The following SLC35F4 variants were observed in gnomAD, a reference collection of about 807,000 sequenced individuals.
The protein encoded by SLC35F4 is chromosome 14 open reading frame 36.
In SLC35F4, 24 loss-of-function variants were observed where a neutral mutation model predicts 44.2. The observed-to-expected ratio is 0.54, with a 90% CI of 0.39 to 0.76. The LOEUF (loss-of-function observed/expected upper bound fraction) is 0.76, where lower values mean the gene tolerates loss of function less well. Among genes scored for constraint, SLC35F4 ranks in the 30% least tolerant of loss-of-function variants. SLC35F4 has a pLI of 0.00. For missense variants in SLC35F4, 562 were observed against 586.1 expected, an observed-to-expected ratio of 0.96 and a Z score of 0.42; for synonymous variants, 238 against 223.6, an observed-to-expected ratio of 1.06 and a Z score of -0.57.
At chr14:57,680,182 A>G (rs144634571) in intron 1 of SLC35F4, among the ~76,000 whole-genome samples, 22,428 of 152,140 alleles carry the variant, frequency 0.15, 1,891 homozygotes, top group East Asian at 0.29. Context: ...ACCACGATCA[A>G]GTCAGCGTCA....
At chr14:57,767,675 T>C (rs966206069) in intron 1 of SLC35F4, among the ~76,000 whole-genome samples, 26 of 151,264 alleles carry the variant, frequency 1.7e-4, no homozygotes, top group African/African-American at 6.1e-4. Context: ...ATAAAGATAA[T>C]AGAATAAATA....
At chr14:57,980,947 T>C (rs1881360502) in intron 1 of SLC35F4, among the ~76,000 whole-genome samples, 1 of 152,144 alleles carries the variant, frequency 6.6e-6, no homozygotes, top group African/African-American at 2.4e-5. Flanking sequence ...ATCCCAGGCC[T>C]AGAGTGTTGT....
At position 57,842,954 on chromosome 14, in the gene SLC35F4, C is replaced by T. The variant is rs1196559728; in HGVS notation, c.103+22769G>A. ...AGAAAGAGCAGACTTGCTGAGTCTT[C>T]CAGCCTTCATCTTCCACTCATGCTG... On this transcript the variant is annotated intron_variant, in intron 1 of 7. Coordinates refer to ENST00000556826, the MANE Select transcript of SLC35F4 (RefSeq NM_001306087.2). Among the ~76,000 whole-genome samples the T allele has an allele frequency of 3.3e-5, 5 of 152,286 alleles. No individual in the cohort carries two copies. The South Asian group carries it at 6.2e-4, about 19-fold the overall frequency.
chr14:57,866,154 C>A, upstream of SLC35F4: 2 of 170,224 alleles, frequency 1.2e-5, no homozygotes, highest in South Asian at 3.5e-4. Context: ...CCCACCTGGT[C>A]GCCAGCTTTC....
intron 1 of SLC35F4, among the ~76,000 whole-genome samples, chr14:57,951,605 G>T (rs925806718): frequency 6.6e-6 from 1 of 152,162 alleles, no homozygotes; most frequent in African/African-American, 2.4e-5. Flanking sequence ...GTGGGGAGGG[G>T]CATCTTCCAT....
chr14:57,712,119 GT>G (rs1411315169), intron 1 of SLC35F4, among the ~76,000 whole-genome samples: 2 of 152,124 alleles, frequency 1.3e-5, no homozygotes, highest in African/African-American at 4.8e-5. Flanking sequence ...TATAAATGGA[GT>G]GCAAAAGGCT....
At chr14:57,683,886 C>T (rs1196218595) in intron 1 of SLC35F4, among the ~76,000 whole-genome samples, 1 of 152,040 alleles carries the variant, frequency 6.6e-6, no homozygotes, top group African/African-American at 2.4e-5. Flanking sequence ...GGGAGCTGAA[C>T]AGAAGGGCAG....
intron 1 of SLC35F4, among the ~76,000 whole-genome samples, chr14:57,734,715 G>A (rs562095984): frequency 6.6e-6 from 1 of 152,158 alleles, no homozygotes; most frequent in Non-Finnish European, 1.5e-5. Context: ...AAAAGAAAAG[G>A]CTTTTGATAG....
chr14:57,914,113 C>CA (rs1342430789), intron 1 of SLC35F4, among the ~76,000 whole-genome samples: 1 of 152,120 alleles, frequency 6.6e-6, no homozygotes, highest in Non-Finnish European at 1.5e-5. Context: ...AGAATACCAC[C>CA]AGTGGGTAAC....
chr14:57,656,843 A>T (rs769933283), intron 1 of SLC35F4, among the ~76,000 whole-genome samples: 8 of 152,034 alleles, frequency 5.3e-5, no homozygotes, highest in Non-Finnish European at 1.2e-4. Context: ...CCCAACAAGA[A>T]TTTTTCCTCC....
chr14:57,725,466 C>A (rs113515654), intron 1 of SLC35F4, among the ~76,000 whole-genome samples: 7 of 152,314 alleles, frequency 4.6e-5, no homozygotes, highest in African/African-American at 1.4e-4. Context: ...ACTCCAGATA[C>A]GGGTTTGCCT....
intron 1 of SLC35F4, among the ~76,000 whole-genome samples, chr14:57,672,272 A>T (rs1347582831): frequency 6.6e-6 from 1 of 152,064 alleles, no homozygotes; most frequent in African/African-American, 2.4e-5. Flanking sequence ...GTCACTGTGG[A>T]CAAAGATCCT....
At chr14:57,743,996 G>A (rs986731932) in intron 1 of SLC35F4, among the ~76,000 whole-genome samples, 3 of 152,114 alleles carry the variant, frequency 2.0e-5, no homozygotes, top group South Asian at 2.1e-4. Context: ...CTCAATAGAC[G>A]CAGAAAAAGC....
At chr14:57,635,478 G>A (rs1210638155) in intron 1 of SLC35F4, among the ~76,000 whole-genome samples, 2 of 152,042 alleles carry the variant, frequency 1.3e-5, no homozygotes, top group African/African-American at 4.8e-5. Context: ...CTGTTGCTCA[G>A]AAGATAACAC....
rs74052397 is a variant in SLC35F4, at chr14:57,653,746, C to T, written c.104-59622G>A. 3.4e-3 allele frequency among the ~76,000 whole-genome samples: 522 copies of T among 152,246 alleles called. 7 individuals carry two copies. Among genetic ancestry groups the T allele is most frequent in the African/African-American group, 0.012 (505 of 41,540 alleles). ...AGAAGAGAGATCCTGCAGAGGTGGC[C>T]GCCTTATCAGGGCTGGAGTCTTTCT... On this transcript the variant is annotated intron_variant, in intron 1 of 7. Coordinates refer to ENST00000556826, the MANE Select transcript of SLC35F4 (RefSeq NM_001306087.2).
At chr14:57,660,502 G>T (rs926510958) in intron 1 of SLC35F4, among the ~76,000 whole-genome samples, 4 of 148,452 alleles carry the variant, frequency 2.7e-5, no homozygotes, top group Non-Finnish European at 4.5e-5. Context: ...TCTGTGTCCT[G>T]GTGTTCATGC....
chr14:57,918,371 T>C (rs569560690), intron 1 of SLC35F4, among the ~76,000 whole-genome samples: 245 of 152,314 alleles, frequency 1.6e-3, no homozygotes, highest in African/African-American at 5.5e-3. Flanking sequence ...CTCTGGTAAG[T>C]TGTGACTCTC....
intron 1 of SLC35F4, among the ~76,000 whole-genome samples, chr14:57,733,220 G>A (rs992977962): frequency 2.0e-5 from 3 of 152,180 alleles, no homozygotes; most frequent in African/African-American, 4.8e-5. Flanking sequence ...TGGAAAGTAC[G>A]TACTTTGAAA....
At chr14:57,827,798 T>C (rs1051771519) in intron 1 of SLC35F4, among the ~76,000 whole-genome samples, 2 of 110,058 alleles carry the variant, frequency 1.8e-5, no homozygotes, top group East Asian at 2.2e-4. Context: ...TCACTCCTTA[T>C]TTTTCAAAAA....
Sources: allele counts gnomAD v4.1 joint callset (sites outside exome capture counted in the v4.1 genomes callset), GRCh38; gene constraint gnomAD v4.1.1; transcripts MANE v1.5; gene names NCBI Gene and HGNC (gene_info 2026-07-23, HGNC 2026-07-21).